The following COL5A1 variants were observed in gnomAD, a reference collection of about 807,000 sequenced individuals.
COL5A1 encodes the protein collagen type V alpha 1 chain.
A neutral mutation model predicts 263.7 loss-of-function variants in COL5A1; 16 were observed. The ratio of observed to expected loss-of-function variants is 0.06; its 90% CI spans 0.04 to 0.09. The LOEUF is 0.09. Ranked by LOEUF, COL5A1 falls within the 10% of genes least tolerant of loss-of-function variation. The pLI is 1.00. For missense variants in COL5A1, 2,036 were observed against 2,540.5 expected (o/e 0.80, Z 4.27); for synonymous variants, 1,012 against 1,004.5 (o/e 1.01, Z -0.14).
intron 32 of COL5A1, among the ~76,000 whole-genome samples, chr9:134,792,864 T>TGC (rs767588974): frequency 3.7e-4 from 12 of 32,510 alleles, no homozygotes; most frequent in Admixed American, 1.1e-3. Flanking sequence ...CACGTGTGTG[T>TGC]GCGCGCGTTT....
intron 1 of COL5A1, among the ~76,000 whole-genome samples, chr9:134,689,952 T>G (rs1833216676): frequency 6.6e-6 from 1 of 152,302 alleles, no homozygotes; most frequent in South Asian, 2.1e-4. Context: ...AAACTGACCT[T>G]GTTCAGGGCA....
chr9:134,788,482 G>T (rs981153196), intron 31 of COL5A1, among the ~76,000 whole-genome samples: 29 of 137,186 alleles, frequency 2.1e-4, no homozygotes, highest in Non-Finnish European at 4.4e-4. Flanking sequence ...GCCAGTGGGT[G>T]GATAGGTGGG....
chr9:134,723,269 C>T (rs982366117), intron 4 of COL5A1, among the ~76,000 whole-genome samples: 3 of 152,068 alleles, frequency 2.0e-5, no homozygotes, highest in African/African-American at 4.8e-5. Context: ...AGGAAGGACC[C>T]GGGTTGGAGG....
At position 134,758,206 on chromosome 9, in the gene COL5A1, G is replaced by A; in HGVS notation, c.1882-37G>A. 1.2e-6 allele frequency: 2 copies of A among 1,612,748 alleles called. No homozygotes were observed. Among genetic ancestry groups the A allele is most frequent in the Non-Finnish European group, 1.7e-6 (2 of 1,179,058 alleles). ...CAAGGCGGGGTGTCCACGTGTGCAG[G>A]GTGGCGTCTGAGGCAGCCTTTCTGT... On this transcript the variant is annotated intron_variant, in intron 17 of 65. Coordinates refer to ENST00000371817, the MANE Select transcript of COL5A1 (RefSeq NM_000093.5). This position sits in a 1 kb window ranked among gnomAD's most constrained non-coding sequence, Gnocchi z 4.1.
chr9:134,747,986 C>T (rs1014592973), intron 11 of COL5A1, among the ~76,000 whole-genome samples: 5 of 151,602 alleles, frequency 3.3e-5, no homozygotes, highest in African/African-American at 1.2e-4. Flanking sequence ...CACACACATG[C>T]ATTCACACAC....
intron 11 of COL5A1, among the ~76,000 whole-genome samples, chr9:134,739,947 G>A (rs755448423): frequency 1.3e-5 from 2 of 152,186 alleles, no homozygotes; most frequent in Non-Finnish European, 2.9e-5. Context: ...GGAGGAGGTT[G>A]TTATCGTTCT....
At chr9:134,805,897 C>T (rs1189962466) in intron 41 of COL5A1, among the ~76,000 whole-genome samples, 1 of 152,044 alleles carries the variant, frequency 6.6e-6, no homozygotes, top group African/African-American at 2.4e-5. Context: ...GTGGGCAGAC[C>T]CTCAAGGGGA....
At chr9:134,731,841 C>T (rs967847334) in intron 8 of COL5A1, among the ~76,000 whole-genome samples, 178 bp downstream of exon 8, 1 of 152,174 alleles carries the variant, frequency 6.6e-6, no homozygotes, top group African/African-American at 2.4e-5. Context: ...CTCTGAATAA[C>T]GTGTGTATCG....
intron 6 of COL5A1, among the ~76,000 whole-genome samples, chr9:134,729,527 CGT>C (rs1834793585): frequency 1.4e-5 from 2 of 142,926 alleles, no homozygotes; most frequent in Admixed American, 1.4e-4. Flanking sequence ...TGTGTGTGAG[CGT>C]GTGTGCATGC....
intron 1 of COL5A1, among the ~76,000 whole-genome samples, chr9:134,687,388 G>A (rs571066815): frequency 2.0e-5 from 3 of 152,246 alleles, no homozygotes; most frequent in East Asian, 3.9e-4. Context: ...CCAAGGCACA[G>A]CAGGACACCT....
chr9:134,648,192 G>T, intron 1 of COL5A1, among the ~76,000 whole-genome samples: 1 of 151,766 alleles, frequency 6.6e-6, no homozygotes, highest in East Asian at 1.9e-4. Flanking sequence ...AGTTCTTCAG[G>T]TTTGGGACTC....
At chr9:134,835,665 T>C (rs1339293645) in intron 65 of COL5A1, among the ~76,000 whole-genome samples, 2 of 152,188 alleles carry the variant, frequency 1.3e-5, no homozygotes, top group Non-Finnish European at 1.5e-5. Context: ...GCCCGGCCCA[T>C]GGGCCCTCTC....
chr9:134,785,543 TG>T (rs1837424333), intron 30 of COL5A1, among the ~76,000 whole-genome samples: 2 of 152,244 alleles, frequency 1.3e-5, no homozygotes, highest in African/African-American at 4.8e-5. Context: ...TTTCCAGCTG[TG>T]GGAGGCTCCT....
chr9:134,825,186 G>C (rs1045158512), intron 62 of COL5A1, among the ~76,000 whole-genome samples: 1 of 152,212 alleles, frequency 6.6e-6, no homozygotes, highest in Non-Finnish European at 1.5e-5. Context: ...CCCAGGAAGA[G>C]GACAGAGTTG....
rs1280677819 is a variant in COL5A1 at position 134,802,926 on chromosome 9, C to A, written c.3045C>A (p.Gly1015=). The change falls in exon 39 of 66, where the codon GGC becomes GGA. Residue 1015 remains glycine, a synonymous_variant. Coordinates refer to ENST00000371817, the MANE Select transcript of COL5A1 (RefSeq NM_000093.5). ...TGETGPMGER[G]HPGPPGPPGE... Reference sequence around the variant, plus strand: ...AAACGGGCCCAATGGGTGAGCGTGGCCACCCTGGGCCCCCTGGACCCCCCG... The same window carrying A: ...AAACGGGCCCAATGGGTGAGCGTGGACACCCTGGGCCCCCTGGACCCCCCG... The A allele has an allele frequency of 6.2e-7, 1 of 1,612,050 alleles. No individual in the cohort carries two copies. The highest frequency in any genetic ancestry group is 1.1e-5 in the South Asian group (1 of 90,638).
intron 32 of COL5A1, among the ~76,000 whole-genome samples, chr9:134,790,299 T>TACCCATCCATCCATCCACCC (rs1837620954): frequency 6.6e-6 from 1 of 151,988 alleles, no homozygotes; most frequent in East Asian, 1.9e-4. Context: ...TCTGTCCTTT[T>TACCCATCCATCCATCCACCC]ACCCATCCAT....
intron 11 of COL5A1, among the ~76,000 whole-genome samples, chr9:134,748,818 A>C (rs1835672333): frequency 6.6e-6 from 1 of 152,254 alleles, no homozygotes; most frequent in Admixed American, 6.5e-5. Flanking sequence ...GTGCATCGGC[A>C]GAAGACGGGT....
Position 134,831,997 on chromosome 9 carries a change from G to A in COL5A1, c.5136+1953G>A, listed in dbSNP as rs571194995. Among the ~76,000 whole-genome samples, 63 of 152,312 alleles carry A rather than the reference G, an allele frequency of 4.1e-4. 1 individual carries two copies. The highest frequency in any genetic ancestry group is 3.3e-3 in the South Asian group (16 of 4,826). On this transcript the variant is annotated intron_variant, in intron 64 of 65. Transcript: ENST00000371817. ...CCAGATTTTTCAGCCAGGTGCAGGG[G>A]CTCATGCTTATAATCCCAGCACTTT...
chr9:134,733,240 A>T (rs1834968484), intron 9 of COL5A1, among the ~76,000 whole-genome samples: 1 of 152,200 alleles, frequency 6.6e-6, no homozygotes, highest in African/African-American at 2.4e-5. Context: ...AGCTGGGGAC[A>T]TTCTCTTGGA....
Sources: gnomAD v4.1 joint callset for allele counts (sites outside exome capture counted in the v4.1 genomes callset) on GRCh38, gnomAD v4.1.1 for gene constraint, Gnocchi (gnomAD v3.1) non-coding constraint, MANE v1.5 for transcripts, NCBI Gene and HGNC (gene_info 2026-07-23, HGNC 2026-07-21) for gene names.